Variants in ANKS1B observed in about 807,000 individuals in gnomAD.
ANKS1B encodes the protein ankyrin repeat and sterile alpha motif domain-containing protein 1B.
In ANKS1B, 36 loss-of-function variants were observed where a neutral mutation model predicts 148.3. The observed-to-expected ratio is 0.24, with a 90% CI of 0.19 to 0.32. ANKS1B has a LOEUF of 0.32. Among genes scored for constraint, ANKS1B ranks in the 10% least tolerant of loss-of-function variants. The pLI is 1.00. For synonymous variants in ANKS1B, 542 were observed against 560.8 expected, an observed-to-expected ratio of 0.97 and a Z score of 0.47; for missense variants, 1,157 against 1,542.6, an observed-to-expected ratio of 0.75 and a Z score of 4.19.
chr12:99,551,832 A>G (rs1175580466), intron 9 of ANKS1B, among the ~76,000 whole-genome samples: 1 of 152,106 alleles, frequency 6.6e-6, no homozygotes, highest in African/African-American at 2.4e-5. Context: ...AGTTCAGCCT[A>G]GTGGTCTCAC....
chr12:99,317,370 G>C (rs2084333270), intron 12 of ANKS1B, among the ~76,000 whole-genome samples: 1 of 152,094 alleles, frequency 6.6e-6, no homozygotes, highest in Non-Finnish European at 1.5e-5. Context: ...TCCTTGAAGA[G>C]GTCCTTCATG....
chr12:99,154,683 C>G (rs2075777165), intron 14 of ANKS1B: 1 of 1,436,916 alleles, frequency 7.0e-7, no homozygotes, highest in African/African-American at 1.4e-5. Context: ...CAAAACCAGG[C>G]AGCAGAAGAA....
intron 8 of ANKS1B, among the ~76,000 whole-genome samples, chr12:99,706,990 T>C (rs1271703865): frequency 2.0e-5 from 3 of 152,158 alleles, no homozygotes; most frequent in East Asian, 3.9e-4. Flanking sequence ...TGAGAGAACA[T>C]GAAACACAGG....
intron 15 of ANKS1B, among the ~76,000 whole-genome samples, chr12:99,151,669 G>A (rs1255564298): frequency 6.6e-6 from 1 of 152,138 alleles, no homozygotes; most frequent in Non-Finnish European, 1.5e-5. Flanking sequence ...ATGTGTGAGA[G>A]TATGTATGTA....
Position 98,799,014 on chromosome 12 carries a change from C to CA in ANKS1B, c.3271-10dup, listed in dbSNP as rs760452440. 3.0e-5 allele frequency: 47 copies of CA among 1,572,560 alleles called. No homozygotes were observed. The highest frequency in any genetic ancestry group is 2.7e-4 in the East Asian group (12 of 43,720). ...AGCATAGAACCTAAATACTAAAATA[C>CA]AAAAAAAATTCAATGATTTATGAAA... On this transcript the variant is annotated splice_polypyrimidine_tract_variant and intron_variant, in intron 21 of 26. Coordinates refer to ENST00000683438, the MANE Select transcript of ANKS1B (RefSeq NM_001352186.2).
chr12:99,611,922 A>G (rs2097905712), intron 9 of ANKS1B, among the ~76,000 whole-genome samples: 1 of 152,136 alleles, frequency 6.6e-6, no homozygotes, highest in Admixed American at 6.6e-5. Context: ...TCCTGTCATC[A>G]GTAACTTCAT....
chr12:99,320,551 T>A (rs1197135163), intron 12 of ANKS1B, among the ~76,000 whole-genome samples: 5 of 152,186 alleles, frequency 3.3e-5, no homozygotes, highest in Non-Finnish European at 2.9e-5. Context: ...ATCCGGTCAT[T>A]TAAGGTCTTC....
At chr12:99,416,902 A>G (rs1266912718) in intron 11 of ANKS1B, among the ~76,000 whole-genome samples, 1 of 152,118 alleles carries the variant, frequency 6.6e-6, no homozygotes, top group Non-Finnish European at 1.5e-5. Context: ...TCTTTGATAG[A>G]GCATAAACAG....
At chr12:98,933,912 G>A (rs751676154) in intron 17 of ANKS1B, among the ~76,000 whole-genome samples, 3 of 151,732 alleles carry the variant, frequency 2.0e-5, no homozygotes, top group Non-Finnish European at 4.4e-5. Flanking sequence ...GAATAACCTC[G>A]TATCTGATAT....
chr12:99,038,154 G>A (rs1476602047), intron 17 of ANKS1B, among the ~76,000 whole-genome samples: 1 of 152,150 alleles, frequency 6.6e-6, no homozygotes, highest in Non-Finnish European at 1.5e-5. Context: ...TTTAAATGCA[G>A]AGAAGAGCTG....
chr12:99,436,376 AAC>A (rs1165905607), intron 11 of ANKS1B, among the ~76,000 whole-genome samples: 1 of 152,066 alleles, frequency 6.6e-6, no homozygotes, highest in Non-Finnish European at 1.5e-5. Context: ...AAACAAATGA[AAC>A]ACATACTCAA....
chr12:98,969,814 A>C (rs1236588957), intron 17 of ANKS1B, among the ~76,000 whole-genome samples: 2 of 151,144 alleles, frequency 1.3e-5, no homozygotes, highest in Non-Finnish European at 2.9e-5. Flanking sequence ...AATCCTATTC[A>C]GTATACCTGT....
chr12:99,488,398 T>C (rs2096522259), intron 10 of ANKS1B, among the ~76,000 whole-genome samples: 1 of 152,178 alleles, frequency 6.6e-6, no homozygotes, highest in Non-Finnish European at 1.5e-5. Flanking sequence ...ATTAATAAAT[T>C]GTTGCTTTAT....
intron 12 of ANKS1B, among the ~76,000 whole-genome samples, chr12:99,360,372 T>G (rs762682830): frequency 2.0e-5 from 3 of 152,122 alleles, no homozygotes; most frequent in Non-Finnish European, 4.4e-5. Context: ...AACCAGTAAT[T>G]CCAGTGTGAG....
chr12:99,749,128 C>T (rs961928114), intron 8 of ANKS1B, among the ~76,000 whole-genome samples: 2 of 152,088 alleles, frequency 1.3e-5, no homozygotes, highest in African/African-American at 4.8e-5. Context: ...CTGAACATTT[C>T]TGTTCAAGTA....
chr12:99,589,674 A>G (rs2097679985), intron 9 of ANKS1B, among the ~76,000 whole-genome samples: 1 of 152,232 alleles, frequency 6.6e-6, no homozygotes, highest in African/African-American at 2.4e-5. Flanking sequence ...AATAAAAGAT[A>G]CAGAGCTTAA....
At chr12:98,864,242 G>A (rs963441727) in intron 17 of ANKS1B, among the ~76,000 whole-genome samples, 1 of 151,806 alleles carries the variant, frequency 6.6e-6, no homozygotes, top group Non-Finnish European at 1.5e-5. Flanking sequence ...TAACAATCAA[G>A]TTTAGAATAT....
intron 14 of ANKS1B, among the ~76,000 whole-genome samples, chr12:99,200,864 G>C (rs1317181769): frequency 2.0e-5 from 3 of 152,162 alleles, no homozygotes; most frequent in African/African-American, 7.2e-5. Flanking sequence ...CTGTATGAAG[G>C]AGCCAGGGAA....
intron 8 of ANKS1B, among the ~76,000 whole-genome samples, chr12:99,747,594 T>G (rs770691905): frequency 9.2e-5 from 14 of 152,134 alleles, no homozygotes; most frequent in Non-Finnish European, 1.9e-4. Flanking sequence ...ATCCAATTAT[T>G]TAAAATTCTT....
Sources: allele counts gnomAD v4.1 joint callset (sites outside exome capture counted in the v4.1 genomes callset), GRCh38; gene constraint gnomAD v4.1.1; transcripts MANE v1.5; gene names NCBI Gene and HGNC (gene_info 2026-07-23, HGNC 2026-07-21).